The following DNAH5 variants were observed in gnomAD, a reference collection of about 807,000 sequenced individuals.
DNAH5 encodes axonemal beta dynein heavy chain 5.
In DNAH5, 372 loss-of-function variants were observed where a neutral mutation model predicts 518.2. The observed-to-expected ratio is 0.72, with a 90% confidence interval of 0.66 to 0.78. DNAH5 has a LOEUF of 0.78. Among genes scored for constraint, DNAH5 ranks in the 30% least tolerant of loss-of-function variants. The pLI, the probability that DNAH5 is intolerant of heterozygous loss-of-function variation, is 0.00. For missense variants in DNAH5, 5,523 were observed against 5,687.0 expected (o/e 0.97, Z 0.93); for synonymous variants, 2,039 against 2,025.9 (o/e 1.01, Z -0.17).
intron 21 of DNAH5, among the ~76,000 whole-genome samples, chr5:13,881,953 G>T (rs1461844525): frequency 6.6e-6 from 1 of 151,852 alleles, no homozygotes; most frequent in Non-Finnish European, 1.5e-5. Context: ...GTAAAAAAGA[G>T]GACTCAAGTA....
chr5:13,764,213 C>T (rs1287332257), intron 59 of DNAH5, among the ~76,000 whole-genome samples: 5 of 152,068 alleles, frequency 3.3e-5, no homozygotes, highest in Admixed American at 1.3e-4. Context: ...GCAAAGATCT[C>T]CTAAACAGAA....
At chr5:13,775,689 G>A (rs1339162687) in intron 55 of DNAH5, among the ~76,000 whole-genome samples, 1 of 152,054 alleles carries the variant, frequency 6.6e-6, no homozygotes, top group South Asian at 2.1e-4. Flanking sequence ...GGGTACCACA[G>A]AGCTGTAGAG....
chr5:13,942,612 G>A (rs13181053), intron 1 of DNAH5, among the ~76,000 whole-genome samples: 43,883 of 151,934 alleles, frequency 0.29, 7,228 homozygotes, highest in South Asian at 0.37. Flanking sequence ...ACCGTCAGTC[G>A]CTGATTGGGT....
Position 13,859,753 on chromosome 5 carries a change from A to C in DNAH5, c.4797-148T>G. ...GCTTTTAAAGTGATGCAACCAAGTGATTAATTCATCCCCACTTACTGTTCA... is the reference window on the plus strand; with the variant it reads ...GCTTTTAAAGTGATGCAACCAAGTGCTTAATTCATCCCCACTTACTGTTCA... On this transcript the variant is annotated intron_variant, in intron 29 of 78. Coordinates refer to ENST00000265104, the MANE Select transcript of DNAH5 (RefSeq NM_001369.3). The C allele has an allele frequency of 4.1e-6, 3 of 740,698 alleles. No homozygotes were observed. The South Asian group carries it at 5.0e-5, about 12-fold the overall frequency. The allele number at this position is 740,698 out of a possible 1,614,324, so 45.9% of individuals were successfully genotyped here.
chr5:13,821,649 T>C (rs1053098615), intron 40 of DNAH5, among the ~76,000 whole-genome samples: 5 of 152,230 alleles, frequency 3.3e-5, no homozygotes, highest in African/African-American at 1.2e-4. Context: ...GAACTCACAG[T>C]ACGTAATGAT....
intron 39 of DNAH5, 133 bp from the exon 40 acceptor site, chr5:13,823,503 T>C (rs995994775): frequency 1.2e-5 from 8 of 664,732 alleles, no homozygotes; most frequent in Middle Eastern, 7.9e-4. Context: ...TCACCTTTAT[T>C]GAAGTTAAGA....
rs151287686 is a variant in DNAH5 at position 13,767,400 on chromosome 5, C to T, written c.9898-1221G>A. Among the ~76,000 whole-genome samples, 432 of 152,332 alleles carry T rather than the reference C, an allele frequency of 2.8e-3. 1 individual carries two copies. Among genetic ancestry groups the T allele is most frequent in the African/African-American group, 0.01 (421 of 41,566 alleles). ...TCGGCCTCCCAAAGTACTGGAATTA[C>T]AGGCGTGAGCCAGCATGCCCAGCCT... On this transcript the variant is annotated intron_variant, in intron 58 of 78. Coordinates refer to ENST00000265104, the MANE Select transcript of DNAH5 (RefSeq NM_001369.3).
chr5:13,767,216 C>A (rs1354787284), intron 58 of DNAH5, among the ~76,000 whole-genome samples: 1 of 152,168 alleles, frequency 6.6e-6, no homozygotes, highest in Non-Finnish European at 1.5e-5. Context: ...CCTCCCCCTC[C>A]CAGGTTCAAG....
chr5:13,939,245 C>T (rs768819989), intron 1 of DNAH5, among the ~76,000 whole-genome samples: 4 of 152,136 alleles, frequency 2.6e-5, no homozygotes, highest in Admixed American at 6.6e-5. Context: ...GTCACTCTCA[C>T]GTAATTAAGG....
Position 13,817,571 on chromosome 5 carries a change from C to T in DNAH5, c.6965G>A (p.Arg2322Lys). The change falls in exon 42 of 79, where the codon AGG becomes AAG. Residue 2322 changes from arginine (R) to lysine (K), a missense_variant. By Grantham distance (26) the Arg-to-Lys change is conservative (BLOSUM62 2). This residue lies in a region of DNAH5 where 5,121 missense variants were observed against 5,223.3 expected (regional missense o/e 0.98). Coordinates refer to ENST00000265104, the MANE Select transcript of DNAH5 (RefSeq NM_001369.3). ...WTDGIFSTLW[R>K]KTLRAKKGEH... ...ACCTTTCTTTGCTCTTAATGTTTTC[C>T]TCCAAAGCGTAGAAAATATCCCATC... The T allele has an allele frequency of 6.2e-7, 1 of 1,614,132 alleles. No homozygotes were observed.
At chr5:13,968,738 G>A (rs1581069315) in intron 1 of DNAH5, among the ~76,000 whole-genome samples, 2 of 152,042 alleles carry the variant, frequency 1.3e-5, no homozygotes, top group Admixed American at 6.6e-5. Flanking sequence ...ACAGATTTTT[G>A]CATCTATGTT....
At chr5:13,947,294 A>G (rs1235239782), upstream of DNAH5, among the ~76,000 whole-genome samples, 2 of 152,192 alleles carry the variant, frequency 1.3e-5, no homozygotes, top group Non-Finnish European at 2.9e-5. Flanking sequence ...GGAGTCATCT[A>G]CCCTGCATCT....
chr5:13,924,821 T>C (rs761028315), intron 3 of DNAH5, among the ~76,000 whole-genome samples: 3 of 152,236 alleles, frequency 2.0e-5, no homozygotes, highest in Non-Finnish European at 4.4e-5. Flanking sequence ...CAGTCATCTT[T>C]GATTATCCAA....
chr5:13,830,831 G>T, intron 35 of DNAH5, 56 bp from the exon 36 acceptor site: 2 of 1,567,060 alleles, frequency 1.3e-6, no homozygotes, highest in South Asian at 1.1e-5. Flanking sequence ...AAATACTTCT[G>T]AGACATCACA....
At position 13,864,528 on chromosome 5, in the gene DNAH5, T is replaced by C; in HGVS notation, c.4465A>G (p.Lys1489Glu). The change falls in exon 28 of 79, where the codon AAA becomes GAA. Residue 1489 changes from lysine to glutamate, a missense_variant. Physicochemically the swap from Lys to Glu is moderately conservative, Grantham distance 56 (BLOSUM62 1). Around this residue, in one of 3 missense-constraint regions of DNAH5, gnomAD observed 5,121 missense variants for 5,223.3 expected, o/e 0.98. Coordinates refer to ENST00000265104, the MANE Select transcript of DNAH5 (RefSeq NM_001369.3). ...CCPLLEYMASKAMMERHWERI... is the reference protein window; with the variant it reads ...CCPLLEYMASEAMMERHWERI... ...TCCCAGTGCCGCTCCATCATGGCTTTACTGGCCATGTATTCCAGCAGCGGG... is the reference window on the plus strand; with the variant it reads ...TCCCAGTGCCGCTCCATCATGGCTTCACTGGCCATGTATTCCAGCAGCGGG... 6.2e-7 allele frequency: 1 copy of C among 1,614,170 alleles called. No individual in the cohort carries two copies. The highest frequency in any genetic ancestry group is 8.5e-7 in the Non-Finnish European group (1 of 1,180,010).
At position 13,752,146 on chromosome 5, in the gene DNAH5, C is replaced by T. The variant is rs1580060938; in HGVS notation, c.11016G>A (p.Gly3672=). ...NVLERNFIKT[G]STFKVKVGDK... ...AGGTTTAACCTACCTTAAAGGTAGACCCAGTTTTAATGAAGTTTCTTTCCA... is the reference window on the plus strand; with the variant it reads ...AGGTTTAACCTACCTTAAAGGTAGATCCAGTTTTAATGAAGTTTCTTTCCA... Residue 3672 remains glycine, a synonymous_variant, in exon 64 of 79, where the codon GGG becomes GGA. Coordinates refer to ENST00000265104, the MANE Select transcript of DNAH5 (RefSeq NM_001369.3). The T allele has an allele frequency of 6.2e-7, 1 of 1,613,864 alleles. No individual in the cohort carries two copies. Among genetic ancestry groups the T allele is most frequent in the East Asian group, 2.2e-5 (1 of 44,848 alleles).
rs114595757 is a variant in DNAH5 at position 13,806,162 on chromosome 5, T to C, written c.7887+1429A>G. Among the ~76,000 whole-genome samples, 619 of 152,282 alleles carry C rather than the reference T, an allele frequency of 4.1e-3. 3 individuals carry two copies. Among genetic ancestry groups the C allele is most frequent in the African/African-American group, 0.014 (595 of 41,556 alleles). ...GTAAAACTAACAAAAGCTCTTTAATTGTAAAGCGGTATTAAAGGAACACAT... is the reference window on the plus strand; with the variant it reads ...GTAAAACTAACAAAAGCTCTTTAATCGTAAAGCGGTATTAAAGGAACACAT... On this transcript the variant is annotated intron_variant, in intron 47 of 78. Transcript: ENST00000265104.
chr5:13,869,227 A>G (rs1415590098), intron 24 of DNAH5, among the ~76,000 whole-genome samples: 1 of 152,208 alleles, frequency 6.6e-6, no homozygotes, highest in Non-Finnish European at 1.5e-5. Context: ...ACAGGGATGC[A>G]GAAAATGGGA....
chr5:13,786,492 A>C (rs1207608738), intron 51 of DNAH5, 141 bp from the exon 52 acceptor site: 20 of 841,006 alleles, frequency 2.4e-5, no homozygotes, highest in Admixed American at 2.0e-4. Flanking sequence ...GTATTTTGCA[A>C]AAACAGAAGA....
Sources: gnomAD v4.1 joint callset for allele counts (sites outside exome capture counted in the v4.1 genomes callset) on GRCh38, gnomAD v4.1.1 for gene constraint, gnomAD v4.1.1 regional missense constraint, MANE v1.5 for transcripts, NCBI Gene and HGNC (gene_info 2026-07-23, HGNC 2026-07-21) for gene names.